SNX13: variants seen among roughly 807,000 people sequenced by gnomAD.
SNX13 encodes sorting nexin-13.
A neutral mutation model predicts 133.6 loss-of-function variants in SNX13; 45 were observed. That is an observed-to-expected ratio of 0.34 (90% CI 0.27 to 0.43). The LOEUF is 0.43. SNX13 is among the 20% of genes least tolerant of loss of function. The probability of loss-of-function intolerance (pLI) is 1.00; values close to 1 mark genes in which losing one functional copy is unlikely to be tolerated. For synonymous variants in SNX13, 414 were observed against 373.9 expected (o/e 1.11, Z -1.24); for missense variants, 1,032 against 1,145.1 (o/e 0.90, Z 1.43).
rs192400038 is a variant in SNX13 at position 17,895,159 on chromosome 7, T to A, written c.126-1725A>T. Among the ~76,000 whole-genome samples the A allele has an allele frequency of 4.2e-3, 645 of 152,312 alleles. 1 individual carries two copies. Among genetic ancestry groups the A allele is most frequent in the African/African-American group, 0.015 (607 of 41,574 alleles). ...AACAGACTGATAAGACATTAATTTTTGCCCACAAGTGTGTAACGATAGGAA... is the reference window on the plus strand; with the variant it reads ...AACAGACTGATAAGACATTAATTTTAGCCCACAAGTGTGTAACGATAGGAA... On this transcript the variant is annotated intron_variant, in intron 2 of 25. Coordinates refer to ENST00000428135, the MANE Select transcript of SNX13 (RefSeq NM_015132.5).
At chr7:17,841,665 A>G (rs1789918892) in intron 12 of SNX13, among the ~76,000 whole-genome samples, 1 of 151,830 alleles carries the variant, frequency 6.6e-6, no homozygotes. Context: ...ACATGAACAG[A>G]AACTGTCCCC....
intron 20 of SNX13, among the ~76,000 whole-genome samples, chr7:17,805,091 C>T (rs1398496472): frequency 4.6e-5 from 7 of 152,072 alleles, no homozygotes; most frequent in Admixed American, 3.3e-4. Context: ...CAGTACAACC[C>T]AGAATAAAAC....
At chr7:17,845,762 A>G (rs2128321455) in intron 11 of SNX13, 68 bp from the exon 12 acceptor site, 1 of 1,101,462 alleles carries the variant, frequency 9.1e-7, no homozygotes, top group Non-Finnish European at 1.3e-6. Flanking sequence ...GTGTACATAA[A>G]TATAAGGAAA....
chr7:17,867,383 G>A (rs1014603314), intron 9 of SNX13, among the ~76,000 whole-genome samples: 12 of 152,160 alleles, frequency 7.9e-5, no homozygotes, highest in Non-Finnish European at 1.3e-4. Flanking sequence ...GAGGCAGGCA[G>A]ATCGCTTGAG....
At chr7:17,861,374 A>T (rs1014608791) in intron 9 of SNX13, among the ~76,000 whole-genome samples, 1 of 151,214 alleles carries the variant, frequency 6.6e-6, no homozygotes, top group Non-Finnish European at 1.5e-5. Context: ...ACACACACAC[A>T]CACACACAGT....
At chr7:17,823,142 TA>T (rs1787489904) in intron 17 of SNX13, among the ~76,000 whole-genome samples, 6 of 152,230 alleles carry the variant, frequency 3.9e-5, no homozygotes, top group African/African-American at 1.4e-4. Flanking sequence ...TTTATGCTAC[TA>T]TGAGCCCCTT....
chr7:17,898,980 CA>C (rs1357467724), intron 1 of SNX13: 4 of 152,310 alleles, frequency 2.6e-5, no homozygotes, highest in East Asian at 1.9e-4. Flanking sequence ...CTCTCTGAAT[CA>C]GGGGGGAATA....
intron 15 of SNX13, 63 bp from the exon 16 acceptor site, chr7:17,830,110 G>C (rs1046306053): frequency 8.0e-7 from 1 of 1,248,602 alleles, no homozygotes; most frequent in African/African-American, 1.7e-5. Flanking sequence ...CTTTATCTAA[G>C]GTTCAAACAC....
At chr7:17,854,769 T>C (rs1791684463) in intron 9 of SNX13, among the ~76,000 whole-genome samples, 1 of 152,134 alleles carries the variant, frequency 6.6e-6, no homozygotes, top group African/African-American at 2.4e-5. Context: ...TAGTAGGGCC[T>C]CTCTATTAAC....
At chr7:17,799,961 A>C (rs1402637306) in intron 22 of SNX13, among the ~76,000 whole-genome samples, 1 of 151,818 alleles carries the variant, frequency 6.6e-6, no homozygotes, top group Non-Finnish European at 1.5e-5. Flanking sequence ...GCAAGAAAGC[A>C]TGAGTTATAC....
intron 20 of SNX13, among the ~76,000 whole-genome samples, chr7:17,810,399 C>T (rs1296606282): frequency 3.3e-5 from 5 of 152,080 alleles, no homozygotes; most frequent in Admixed American, 6.5e-5. Flanking sequence ...GACACATCCA[C>T]CCTCCCAAGA....
intron 8 of SNX13, among the ~76,000 whole-genome samples, chr7:17,870,188 C>A (rs904099579): frequency 6.6e-6 from 1 of 151,938 alleles, no homozygotes; most frequent in African/African-American, 2.4e-5. Context: ...CTAAAAGATA[C>A]AAAATCATTG....
intron 9 of SNX13, among the ~76,000 whole-genome samples, chr7:17,857,587 C>T (rs1205488845): frequency 2.0e-5 from 3 of 152,128 alleles, no homozygotes; most frequent in Non-Finnish European, 4.4e-5. Context: ...AGTTCAAGAC[C>T]AGCCTGGCCA....
intron 8 of SNX13, among the ~76,000 whole-genome samples, chr7:17,872,910 G>A (rs1472370996): frequency 2.0e-5 from 3 of 152,102 alleles, no homozygotes; most frequent in Non-Finnish European, 4.4e-5. Flanking sequence ...TTACTCTGAA[G>A]GTTTATACTC....
chr7:17,839,412 T>G (rs1789594786), intron 13 of SNX13, among the ~76,000 whole-genome samples: 1 of 151,804 alleles, frequency 6.6e-6, no homozygotes, highest in Non-Finnish European at 1.5e-5. Flanking sequence ...CAAATTTTTG[T>G]TTCATTCATT....
At chr7:17,804,371 AT>A (rs1407813239) in intron 20 of SNX13, among the ~76,000 whole-genome samples, 9 of 152,154 alleles carry the variant, frequency 5.9e-5, no homozygotes, top group South Asian at 2.1e-4. Flanking sequence ...TATTTGATTT[AT>A]TTTTTAAAAT....
At chr7:17,797,124 GT>G (rs1784142052) in intron 24 of SNX13, among the ~76,000 whole-genome samples, 185 bp from the exon 25 acceptor site, 1 of 151,520 alleles carries the variant, frequency 6.6e-6, no homozygotes, top group Non-Finnish European at 1.5e-5. Flanking sequence ...AATTTTAGGG[GT>G]TCAAAAAAAA....
At chr7:17,882,572 G>C in intron 5 of SNX13, 1 of 154,354 alleles carries the variant, frequency 6.5e-6, no homozygotes. Context: ...GATATGAAGA[G>C]TACTTTAATC....
chr7:17,939,031 C>T (rs1196369368), intron 1 of SNX13, among the ~76,000 whole-genome samples: 1 of 152,208 alleles, frequency 6.6e-6, no homozygotes, highest in Non-Finnish European at 1.5e-5. Context: ...AAAATACGTA[C>T]TGTAGAAGTT....
Sources: allele counts gnomAD v4.1 joint callset (sites outside exome capture counted in the v4.1 genomes callset), GRCh38; gene constraint gnomAD v4.1.1; transcripts MANE v1.5; gene names NCBI Gene and HGNC (gene_info 2026-07-23, HGNC 2026-07-21).